Variants in DNAH10 observed in about 807,000 individuals in gnomAD.
DNAH10 encodes the protein dynein axonemal heavy chain 10, also known as axonemal beta dynein heavy chain 10.
Under a neutral mutation model 506.6 loss-of-function variants are expected in DNAH10, and 348 were observed. The observed-to-expected ratio is 0.69, with a 90% CI of 0.63 to 0.75. DNAH10 has a LOEUF of 0.75. Among genes scored for constraint, DNAH10 ranks in the 30% least tolerant of loss-of-function variants. The pLI, the probability that DNAH10 is intolerant of heterozygous loss-of-function variation, is 0.00. For synonymous variants in DNAH10, 2,059 were observed against 2,198.6 expected (o/e 0.94, Z 1.78); for missense variants, 5,179 against 5,787.1 (o/e 0.89, Z 3.41).
intron 77 of DNAH10, chr12:123,934,056 G>C (rs1241733801): frequency 1.8e-6 from 1 of 559,810 alleles, no homozygotes; most frequent in East Asian, 2.9e-5. Context: ...TTAAGGACTG[G>C]GGACTTACGG....
In DNAH10 at chr12:123,785,987, C is replaced by T; in HGVS notation, c.1421+51C>T. ...TTGTTTTGTTTTGTTTCACTTTTTA[C>T]TTTTTAGATCTTAAACAGCTCTATT... On this transcript the variant is annotated intron_variant, in intron 9 of 78. Transcript: ENST00000673944. This position sits in a 1 kb window ranked among gnomAD's most constrained non-coding sequence, Gnocchi z 4.1. The T allele has an allele frequency of 6.4e-7, 1 of 1,555,488 alleles. No individual in the cohort carries two copies. Among genetic ancestry groups the T allele is most frequent in the Non-Finnish European group, 8.7e-7 (1 of 1,143,348 alleles).
chr12:123,842,631 G>A (rs555115024), intron 30 of DNAH10, among the ~76,000 whole-genome samples: 14 of 152,180 alleles, frequency 9.2e-5, no homozygotes, highest in East Asian at 1.9e-4. Flanking sequence ...TGCTGTTTCC[G>A]AGGTACTGAG....
chr12:123,857,532 A>T (rs1306545761), intron 37 of DNAH10, among the ~76,000 whole-genome samples: 2 of 152,172 alleles, frequency 1.3e-5, no homozygotes, highest in Non-Finnish European at 2.9e-5. Context: ...GATTGAGATC[A>T]TCCTGGCCAA....
chr12:123,828,546 C>T (rs573797405), intron 25 of DNAH10, among the ~76,000 whole-genome samples: 31 of 152,260 alleles, frequency 2.0e-4, no homozygotes, highest in African/African-American at 5.5e-4. Context: ...CAGGCATACT[C>T]GCCGAGTCTG....
intron 21 of DNAH10, 108 bp downstream of exon 21, chr12:123,814,020 G>T (rs1959049003): frequency 9.9e-7 from 1 of 1,008,068 alleles, no homozygotes; most frequent in South Asian, 1.9e-5. Flanking sequence ...TTTCAAATAA[G>T]TGACTTTAAG....
At chr12:123,784,534 G>A (rs1238840147) in intron 8 of DNAH10, among the ~76,000 whole-genome samples, 3 of 152,066 alleles carry the variant, frequency 2.0e-5, no homozygotes, top group South Asian at 4.2e-4. Flanking sequence ...GCAACATAGC[G>A]AGACCCTGTC....
chr12:123,762,381 G>A lies in DNAH10; in HGVS notation c.45G>A (p.Ala15=), dbSNP rs1221431752. Residue 15 remains alanine (A), a synonymous_variant, in exon 1 of 79, where the codon GCG becomes GCA. Transcript: ENST00000673944. The surrounding 1 kb of genome is among the most constrained non-coding windows in gnomAD (Gnocchi z 5.0). ...RVLWMRDRVY[A]AFGITDPQLF... ...TGTGGATGCGCGACCGCGTGTATGC[G>A]GCTTTCGGCATCACCGACCCCCAGC... 1.5e-6 allele frequency: 2 copies of A among 1,377,500 alleles called. No homozygotes were observed. Among genetic ancestry groups the A allele is most frequent in the African/African-American group, 1.5e-5 (1 of 66,452 alleles). The allele number at this position is 1,377,500 out of a possible 1,614,324, so 85.3% of individuals were successfully genotyped here.
chr12:123,929,619 G>C, intron 71 of DNAH10, 45 bp from the exon 72 acceptor site: 1 of 1,590,110 alleles, frequency 6.3e-7, no homozygotes, highest in Non-Finnish European at 8.6e-7. Flanking sequence ...AATGTGAACA[G>C]CTTGGTGGGT....
At chr12:123,790,243 A>G (rs1958029850) in intron 11 of DNAH10, 122 bp downstream of exon 11, 1 of 981,560 alleles carries the variant, frequency 1.0e-6, no homozygotes, top group Non-Finnish European at 1.5e-6. Flanking sequence ...ATACCTGCTT[A>G]TTAATTATAA....
intron 30 of DNAH10, among the ~76,000 whole-genome samples, chr12:123,843,409 T>C (rs1950838318): frequency 6.6e-6 from 1 of 152,208 alleles, no homozygotes; most frequent in Admixed American, 6.5e-5. Context: ...GGCCCGTCTT[T>C]GTTCATCATT....
chr12:123,809,990 C>G (rs1958868537), intron 19 of DNAH10, among the ~76,000 whole-genome samples: 1 of 152,174 alleles, frequency 6.6e-6, no homozygotes, highest in Admixed American at 6.5e-5. Context: ...CTCCCATCTT[C>G]CTACCACGTA....
intron 15 of DNAH10, among the ~76,000 whole-genome samples, 166 bp downstream of exon 15, chr12:123,800,554 G>A (rs955880381): frequency 2.0e-5 from 3 of 151,982 alleles, no homozygotes; most frequent in Non-Finnish European, 4.4e-5. Context: ...GGGCGTTGTG[G>A]TGCTACCTGT....
intron 50 of DNAH10, among the ~76,000 whole-genome samples, chr12:123,880,089 TC>T (rs1461411688): frequency 6.6e-6 from 1 of 152,162 alleles, no homozygotes; most frequent in Non-Finnish European, 1.5e-5. Context: ...CTTGTTTGAC[TC>T]CCTAATATTC....
At chr12:123,886,689 C>G (rs1382937695) in intron 51 of DNAH10, among the ~76,000 whole-genome samples, 1 of 149,788 alleles carries the variant, frequency 6.7e-6, no homozygotes, top group Non-Finnish European at 1.5e-5. Flanking sequence ...ATGTTTCTGA[C>G]AGTCGCTGGT....
Position 123,881,629 on chromosome 12 carries a change from T to C in DNAH10, c.8639T>C (p.Ile2880Thr), listed in dbSNP as rs1368419666. The change falls in exon 51 of 79, where the codon ATT (isoleucine) becomes ACT (threonine). Residue 2880 changes from isoleucine (I) to threonine (T), a missense_variant. By Grantham distance (89) the Ile-to-Thr change is moderately conservative. Coordinates refer to ENST00000673944, the MANE Select transcript of DNAH10 (RefSeq NM_001372106.1). ...YEAAKALFQE[I>T]LEEYNESNTK... Reference sequence around the variant, plus strand: ...TTTTTTTTTTTTTAAATGCAGGAAATTCTTGAAGAGTATAATGAAAGCAAC... The same window carrying C: ...TTTTTTTTTTTTTAAATGCAGGAAACTCTTGAAGAGTATAATGAAAGCAAC... The C allele has an allele frequency of 6.6e-7, 1 of 1,522,406 alleles. No homozygotes were observed. 94.3% of individuals were successfully genotyped at this position (1,522,406 alleles called of 1,614,324 possible).
Position 123,790,062 on chromosome 12 carries a change from A to G in DNAH10, c.1756A>G (p.Ser586Gly). The G allele has an allele frequency of 6.2e-7, 1 of 1,614,176 alleles. No homozygotes were observed. The highest frequency in any genetic ancestry group is 8.5e-7 in the Non-Finnish European group (1 of 1,180,026). The part of the protein sequence containing the change: ...PMENLTFDPF[S>G]IKSSQFWKYV... ...GGAAAACCTGACCTTTGACCCCTTC[A>G]GCATCAAGTCCTCCCAGTTCTGGAA... The change falls in exon 11 of 79, where the codon AGC becomes GGC. Residue 586 changes from serine (S) to glycine (G), a missense_variant. Around this residue, in one of 3 missense-constraint regions of DNAH10, gnomAD observed 4,844 missense variants for 5,430.5 expected, o/e 0.89. Coordinates refer to ENST00000673944, the MANE Select transcript of DNAH10 (RefSeq NM_001372106.1).
In DNAH10 at chr12:123,848,883, G is replaced by A; in HGVS notation, c.6102+1G>A. The stretch of plus-strand genomic sequence containing the variant: ...GATCCATCAGTTAACCACGTTCCAG[G>A]TGAGACACATGAAGCCCCCGGGACC... On this transcript the variant is annotated splice_donor_variant, in intron 34 of 78. Transcript: ENST00000673944. LOFTEE classifies it high-confidence loss of function. The A allele has an allele frequency of 1.2e-6, 2 of 1,613,492 alleles. No homozygotes were observed. The highest frequency in any genetic ancestry group is 2.2e-5 in the South Asian group (2 of 90,918).
chr12:123,765,270 C>T (rs371446907), intron 1 of DNAH10, among the ~76,000 whole-genome samples: 2 of 152,064 alleles, frequency 1.3e-5, no homozygotes, highest in East Asian at 1.9e-4. Context: ...AAAACGGAAT[C>T]GTACTGTACA....
In DNAH10 at chr12:123,925,795, C is replaced by G. The variant is rs1413286801; in HGVS notation, c.11921+591C>G. On this transcript the variant is annotated intron_variant, in intron 68 of 78. Coordinates refer to ENST00000673944, the MANE Select transcript of DNAH10 (RefSeq NM_001372106.1). The surrounding 1 kb of genome is among the most constrained non-coding windows in gnomAD (Gnocchi z 4.0). ...GGGGTCCTGGTCCCTGGGCAGCTGC[C>G]CTTAGCTCCTGCTGACTGATACCAG... is the stretch of plus-strand genomic sequence containing the variant. 1 of 152,380 alleles carries G rather than the reference C, an allele frequency of 6.6e-6. No homozygotes were observed. The highest frequency in any genetic ancestry group is 2.4e-5 in the African/African-American group (1 of 41,452). 9.4% of individuals were successfully genotyped at this position (152,380 alleles called of 1,614,324 possible).
Sources: gnomAD v4.1 joint callset for allele counts (sites outside exome capture counted in the v4.1 genomes callset) on GRCh38, gnomAD v4.1.1 for gene constraint, gnomAD v4.1.1 regional missense constraint, Gnocchi (gnomAD v3.1) non-coding constraint, MANE v1.5 for transcripts, NCBI Gene and HGNC (gene_info 2026-07-23, HGNC 2026-07-21) for gene names.